Variants in TMEM117 observed in about 807,000 individuals in gnomAD.
The protein encoded by TMEM117 is transmembrane protein 117.
In TMEM117, 27 loss-of-function variants were observed where a neutral mutation model predicts 52.4. That is an observed-to-expected ratio of 0.51 (90% CI 0.38 to 0.71). The LOEUF is 0.71. Ranked by LOEUF, TMEM117 falls within the 30% of genes least tolerant of loss-of-function variation. The pLI is 0.00. For synonymous variants in TMEM117, 215 were observed against 206.3 expected, an observed-to-expected ratio of 1.04 and a Z score of -0.36; for missense variants, 556 against 630.5, an observed-to-expected ratio of 0.88 and a Z score of 1.26.
At chr12:44,129,679 G>A (rs1355250612) in intron 3 of TMEM117, among the ~76,000 whole-genome samples, 2 of 152,106 alleles carry the variant, frequency 1.3e-5, no homozygotes, top group African/African-American at 2.4e-5. Flanking sequence ...CATGCATTAT[G>A]TATGTAAAAA....
the TMEM117 span, chr12:43,805,656 C>T: frequency 1.6e-6 from 1 of 633,370 alleles, no homozygotes; most frequent in African/African-American, 1.9e-5. Flanking sequence ...AAGATCAAAA[C>T]ACACGCTTAC....
intron 3 of TMEM117, among the ~76,000 whole-genome samples, chr12:43,964,216 C>T (rs1205784447): frequency 3.3e-5 from 5 of 151,952 alleles, no homozygotes; most frequent in African/African-American, 1.2e-4. Context: ...GAACATTCTG[C>T]CTGGAAGTGA....
At chr12:44,108,303 C>T (rs1421795270) in intron 3 of TMEM117, among the ~76,000 whole-genome samples, 1 of 140,986 alleles carries the variant, frequency 7.1e-6, no homozygotes, top group East Asian at 2.1e-4. Context: ...GCGCTGCACC[C>T]ACTAATGTGT....
chr12:44,311,185 A>G (rs976001212), intron 6 of TMEM117, among the ~76,000 whole-genome samples: 10 of 152,122 alleles, frequency 6.6e-5, no homozygotes, highest in Non-Finnish European at 1.0e-4. Flanking sequence ...GTGAGTATAT[A>G]TATATATGTA....
the TMEM117 span, among the ~76,000 whole-genome samples, chr12:43,799,736 G>A: frequency 3.3e-5 from 5 of 151,868 alleles, no homozygotes; most frequent in Non-Finnish European, 7.4e-5. Context: ...TAAATATTTT[G>A]TATGAGTTTC....
At chr12:44,205,446 T>A (rs546238814) in intron 4 of TMEM117, among the ~76,000 whole-genome samples, 1 of 152,290 alleles carries the variant, frequency 6.6e-6, no homozygotes, top group African/African-American at 2.4e-5. Context: ...ATGTCTTTAT[T>A]AGCAGTGTGA....
intron 6 of TMEM117, among the ~76,000 whole-genome samples, chr12:44,341,448 A>T (rs1951415426): frequency 6.6e-6 from 1 of 152,124 alleles, no homozygotes; most frequent in Admixed American, 6.6e-5. Flanking sequence ...ACATGATTTC[A>T]TTCTTTTCTA....
intron 2 of TMEM117, among the ~76,000 whole-genome samples, chr12:43,912,990 T>A (rs1364643897): frequency 6.6e-6 from 1 of 152,182 alleles, no homozygotes; most frequent in Non-Finnish European, 1.5e-5. Context: ...TTCAAAAAAA[T>A]ATTTTGAGCA....
chr12:43,923,644 C>G (rs1944730660), intron 2 of TMEM117, among the ~76,000 whole-genome samples: 1 of 152,118 alleles, frequency 6.6e-6, no homozygotes, highest in Non-Finnish European at 1.5e-5. Flanking sequence ...CTACTAATCT[C>G]TCTGAAGTTG....
intron 4 of TMEM117, among the ~76,000 whole-genome samples, chr12:44,166,856 G>A (rs186127786): frequency 2.0e-4 from 31 of 152,308 alleles, no homozygotes; most frequent in African/African-American, 7.5e-4. Context: ...TACAAGGCTT[G>A]TTATCAAATA....
intron 6 of TMEM117, among the ~76,000 whole-genome samples, chr12:44,369,909 T>G (rs932211519): frequency 6.6e-6 from 1 of 152,182 alleles, no homozygotes; most frequent in African/African-American, 2.4e-5. Context: ...TAAGAGAAAG[T>G]GAGAATACAA....
At chr12:44,245,076 A>G (rs1481130616) in intron 5 of TMEM117, among the ~76,000 whole-genome samples, 1 of 151,844 alleles carries the variant, frequency 6.6e-6, no homozygotes, top group African/African-American at 2.4e-5. Flanking sequence ...GTATCATGCT[A>G]TTTTGATTAT....
intron 2 of TMEM117, among the ~76,000 whole-genome samples, chr12:43,943,836 AT>A (rs1400986146): frequency 9.2e-5 from 14 of 152,248 alleles, no homozygotes; most frequent in Admixed American, 9.2e-4. Flanking sequence ...ACGATATAGG[AT>A]TCATGCAACT....
At chr12:44,387,689 ATT>A (rs1458758794) in intron 7 of TMEM117, among the ~76,000 whole-genome samples, 1 of 152,128 alleles carries the variant, frequency 6.6e-6, no homozygotes, top group Non-Finnish European at 1.5e-5. Flanking sequence ...GTTTTTTCAC[ATT>A]AATTGAAATG....
At chr12:44,087,843 T>C (rs1236007113) in intron 3 of TMEM117, among the ~76,000 whole-genome samples, 1 of 152,228 alleles carries the variant, frequency 6.6e-6, no homozygotes. Context: ...ACTTGACATG[T>C]ATTTACCAAA....
At position 43,958,502 on chromosome 12, in the gene TMEM117, TTTTGAAAATAAATGTTACTATTTA is replaced by T. The variant is rs199853969; in HGVS notation, c.410+14179_410+14202del. Among the ~76,000 whole-genome samples, 487 of 152,310 alleles carry T rather than the reference TTTTGAAAATAAATGTTACTATTTA, an allele frequency of 3.2e-3. 4 individuals carry two copies. In the East Asian group the frequency reaches 0.036, roughly 11 times the overall value. On this transcript the variant is annotated intron_variant, in intron 3 of 7. Coordinates refer to ENST00000266534, the MANE Select transcript of TMEM117 (RefSeq NM_032256.3). ...AAATAAGACAAAGTGATACAGGCAA[TTTTGAAAATAAATGTTACTATTTA>T]TTTGAAAATAAATGTTACGTATTCA...
At chr12:43,888,407 G>T (rs1944037084) in intron 2 of TMEM117, among the ~76,000 whole-genome samples, 1 of 152,118 alleles carries the variant, frequency 6.6e-6, no homozygotes, top group Admixed American at 6.5e-5. Flanking sequence ...TTTGTTAGTA[G>T]GGGTTTGCAT....
At chr12:43,829,855 T>A in the TMEM117 span, among the ~76,000 whole-genome samples, 13 of 151,812 alleles carry the variant, frequency 8.6e-5, no homozygotes, top group African/African-American at 2.7e-4. Flanking sequence ...TTTGGGAGAC[T>A]GAGGCAGGTG....
intron 3 of TMEM117, among the ~76,000 whole-genome samples, chr12:44,119,339 C>T (rs1948196248): frequency 6.6e-6 from 1 of 152,178 alleles, no homozygotes; most frequent in African/African-American, 2.4e-5. Context: ...CACCTCAGCA[C>T]AATCTAGATA....
Sources: allele counts gnomAD v4.1 joint callset (sites outside exome capture counted in the v4.1 genomes callset), GRCh38; gene constraint gnomAD v4.1.1; transcripts MANE v1.5; gene names NCBI Gene and HGNC (gene_info 2026-07-23, HGNC 2026-07-21).